Variants in MALRD1 observed in about 807,000 individuals in gnomAD.
MALRD1 encodes the protein MAM and LDL receptor class A domain containing 1, also known as MAM and LDL-receptor class A domain-containing protein 1.
MALRD1 carries 247 observed loss-of-function variants against 242.1 expected under a neutral mutation model. That is an observed-to-expected ratio of 1.02 (90% CI 0.92 to 1.13). MALRD1 has a LOEUF of 1.13. Among genes scored for constraint, MALRD1 ranks in the 50% most tolerant of loss-of-function variants. MALRD1 has a pLI of 0.00. For synonymous variants in MALRD1, 995 were observed against 866.6 expected (o/e 1.15, Z -2.60); for missense variants, 2,989 against 2,533.1 (o/e 1.18, Z -3.86).
chr10:19,488,078 A>G (rs919447063), intron 29 of MALRD1, among the ~76,000 whole-genome samples: 1 of 146,832 alleles, frequency 6.8e-6, no homozygotes, highest in Non-Finnish European at 1.5e-5. Flanking sequence ...AATTTTATTT[A>G]ATTTGTTGAA....
At chr10:19,226,532 A>G (rs1039188115) in intron 18 of MALRD1, among the ~76,000 whole-genome samples, 2 of 152,234 alleles carry the variant, frequency 1.3e-5, no homozygotes, top group South Asian at 4.1e-4. Flanking sequence ...TGAGATGATA[A>G]TTCTCCTGAT....
intron 26 of MALRD1, among the ~76,000 whole-genome samples, chr10:19,372,131 A>G (rs1020741968): frequency 2.6e-5 from 4 of 152,182 alleles, no homozygotes; most frequent in East Asian, 1.9e-4. Context: ...AAGACAAATA[A>G]TAGTTGTATG....
chr10:19,441,196 A>AT (rs1256874370), intron 28 of MALRD1, among the ~76,000 whole-genome samples: 2 of 151,608 alleles, frequency 1.3e-5, no homozygotes, highest in Non-Finnish European at 2.9e-5. Context: ...GGGTTGTTTG[A>AT]TTTTTTCTTG....
intron 26 of MALRD1, among the ~76,000 whole-genome samples, chr10:19,374,245 T>C (rs1845507486): frequency 1.3e-5 from 2 of 152,226 alleles, no homozygotes; most frequent in Non-Finnish European, 2.9e-5. Context: ...TTTCTTGTGA[T>C]ACATAGAACA....
At chr10:19,645,455 A>G (rs1258812370) in intron 36 of MALRD1, among the ~76,000 whole-genome samples, 2 of 152,204 alleles carry the variant, frequency 1.3e-5, no homozygotes, top group Non-Finnish European at 2.9e-5. Context: ...GCTATTCACA[A>G]TAGCAAAGAC....
chr10:19,470,698 T>G (rs1469706951), intron 29 of MALRD1, among the ~76,000 whole-genome samples: 1 of 152,034 alleles, frequency 6.6e-6, no homozygotes, highest in African/African-American at 2.4e-5. Context: ...GTCCATGTTT[T>G]CATATACCTG....
chr10:19,584,343 C>A (rs1040342110), intron 33 of MALRD1, among the ~76,000 whole-genome samples: 1 of 152,140 alleles, frequency 6.6e-6, no homozygotes, highest in African/African-American at 2.4e-5. Context: ...ATCTTTTCTG[C>A]TTTCTCTTGT....
At chr10:19,395,856 C>G (rs967679082) in intron 28 of MALRD1, among the ~76,000 whole-genome samples, 2 of 152,090 alleles carry the variant, frequency 1.3e-5, no homozygotes, top group Non-Finnish European at 2.9e-5. Context: ...TTCAGTGTCT[C>G]TACTATTTCC....
chr10:19,675,108 T>C (rs1330648318), intron 36 of MALRD1, among the ~76,000 whole-genome samples: 1 of 152,180 alleles, frequency 6.6e-6, no homozygotes, highest in Non-Finnish European at 1.5e-5. Context: ...ACTGTAATAA[T>C]TTTGAAATAA....
chr10:19,289,873 T>C (rs967671501), intron 21 of MALRD1, among the ~76,000 whole-genome samples: 1 of 152,198 alleles, frequency 6.6e-6, no homozygotes, highest in African/African-American at 2.4e-5. Flanking sequence ...TTTCTGTCAA[T>C]TCTTTCTTGT....
At chr10:19,635,528 A>G (rs1480059579) in intron 36 of MALRD1, among the ~76,000 whole-genome samples, 2 of 152,170 alleles carry the variant, frequency 1.3e-5, no homozygotes, top group Admixed American at 1.3e-4. Context: ...AAAGTGAAGG[A>G]TATTATTAAG....
intron 5 of MALRD1, among the ~76,000 whole-genome samples, chr10:19,108,340 T>C (rs948089823): frequency 6.6e-6 from 1 of 151,424 alleles, no homozygotes; most frequent in Non-Finnish European, 1.5e-5. Context: ...GTCTTATAAA[T>C]GATATCTCTT....
At chr10:19,435,319 G>T (rs1834311013) in intron 28 of MALRD1, among the ~76,000 whole-genome samples, 1 of 151,906 alleles carries the variant, frequency 6.6e-6, no homozygotes. Context: ...TCTTACATTA[G>T]AATAGTACAT....
intron 33 of MALRD1, among the ~76,000 whole-genome samples, chr10:19,587,659 A>C (rs985893598): frequency 2.0e-5 from 3 of 152,236 alleles, no homozygotes; most frequent in Admixed American, 2.0e-4. Context: ...ATGAAACTTA[A>C]CGTCTTGTGG....
chr10:19,604,193 A>G (rs367987010), intron 34 of MALRD1, among the ~76,000 whole-genome samples: 1 of 152,312 alleles, frequency 6.6e-6, no homozygotes. Flanking sequence ...ACTCCAGTGA[A>G]TACACAAATG....
At chr10:19,262,402 T>C (rs758885987) in intron 19 of MALRD1, among the ~76,000 whole-genome samples, 4 of 151,994 alleles carry the variant, frequency 2.6e-5, no homozygotes, top group Non-Finnish European at 4.4e-5. Flanking sequence ...ATGCATGTAA[T>C]CCTAGCACTT....
intron 18 of MALRD1, among the ~76,000 whole-genome samples, chr10:19,238,361 C>T (rs192438691): frequency 3.1e-5 from 2 of 65,206 alleles, no homozygotes; most frequent in African/African-American, 6.2e-5. Flanking sequence ...ATATATAATA[C>T]ATAATATATA....
intron 31 of MALRD1, among the ~76,000 whole-genome samples, chr10:19,515,516 G>T (rs1833584149): frequency 6.6e-6 from 1 of 151,458 alleles, no homozygotes; most frequent in African/African-American, 2.4e-5. Context: ...CTTGTTGTTT[G>T]TACAGATTTC....
intron 38 of MALRD1, among the ~76,000 whole-genome samples, chr10:19,729,305 C>A (rs969193636): frequency 6.6e-6 from 1 of 152,298 alleles, no homozygotes; most frequent in Admixed American, 6.5e-5. Flanking sequence ...GTAAGAGCCC[C>A]CTTCTTGCTA....
Sources: gnomAD v4.1 joint callset for allele counts (sites outside exome capture counted in the v4.1 genomes callset) on GRCh38, gnomAD v4.1.1 for gene constraint, MANE v1.5 for transcripts, NCBI Gene and HGNC (gene_info 2026-07-23, HGNC 2026-07-21) for gene names.